The following INSYN1 variants were observed in gnomAD, a reference collection of about 807,000 sequenced individuals.
The protein encoded by INSYN1 is UPF0583 protein C15orf59.
Under a neutral mutation model 17.1 loss-of-function variants are expected in INSYN1, and 7 were observed. That is an observed-to-expected ratio of 0.41 (90% CI 0.23 to 0.77). The LOEUF (loss-of-function observed/expected upper bound fraction) is 0.77. Ranked by LOEUF, INSYN1 falls within the 30% of genes least tolerant of loss-of-function variation. The pLI, the probability that INSYN1 is intolerant of heterozygous loss-of-function variation, is 0.32. For synonymous variants in INSYN1, 174 were observed against 166.3 expected, an observed-to-expected ratio of 1.05 and a Z score of -0.36; for missense variants, 339 against 400.6, an observed-to-expected ratio of 0.85 and a Z score of 1.31.
rs766240069 is a variant in INSYN1 at position 73,740,518 on chromosome 15, T to A, written c.281A>T (p.Asp94Val). Residue 94 changes from aspartate (D) to valine (V), a missense_variant, in exon 3 of 3, where the codon GAC becomes GTC. Asp to Val is a radical substitution (Grantham distance 152). Coordinates refer to ENST00000569673, the MANE Select transcript of INSYN1 (RefSeq NM_001039614.3). ...SDKAGMGGPF[D>V]LGHLDFMTAD... ...TGTCATGAAGTCCAGGTGGCCCAGGTCAAAGGGGCCACCCATGCCCGCCTT... is the reference window on the plus strand; with the variant it reads ...TGTCATGAAGTCCAGGTGGCCCAGGACAAAGGGGCCACCCATGCCCGCCTT... The A allele has an allele frequency of 4.3e-6, 7 of 1,613,976 alleles. No individual in the cohort carries two copies. The highest frequency in any genetic ancestry group is 5.9e-6 in the Non-Finnish European group (7 of 1,180,028).
Position 73,737,231 on chromosome 15 carries a change from T to A in INSYN1, c.*2686A>T, listed in dbSNP as rs896133908. ...AATGCGAACTATTCCATAGGTTTCT[T>A]TTCCCTGACTGTTGAAAAGATGAGA... On this transcript the variant is annotated 3_prime_UTR_variant, in exon 3 of 3. Coordinates refer to ENST00000569673, the MANE Select transcript of INSYN1 (RefSeq NM_001039614.3). 8.5e-5 allele frequency: 13 copies of A among 152,378 alleles called. No individual in the cohort carries two copies. Among genetic ancestry groups the A allele is most frequent in the Admixed American group, 8.5e-4 (13 of 15,306 alleles). 9.4% of individuals were successfully genotyped at this position (152,378 alleles called of 1,614,324 possible). A position where few individuals can be genotyped will look rare whatever the true frequency, so the allele number is the denominator to read the frequency against.
chr15:73,739,906 C>A lies in INSYN1; in HGVS notation c.*11G>T. 7.1e-7 allele frequency: 1 copy of A among 1,407,142 alleles called. No individual in the cohort carries two copies. The highest frequency in any genetic ancestry group is 1.4e-5 in the African/African-American group (1 of 70,258). The allele number at this position is 1,407,142 out of a possible 1,614,324, so 87.2% of individuals were successfully genotyped here. A position where few individuals can be genotyped will look rare whatever the true frequency, so the allele number is the denominator to read the frequency against. ...CTATGTGCCCACCGCCCCCGGCCCC[C>A]TCCCCGGCCCCTAGTTTTTCCCCCT... On this transcript the variant is annotated 3_prime_UTR_variant, in exon 3 of 3. Transcript: ENST00000569673.
intron 2 of INSYN1, among the ~76,000 whole-genome samples, chr15:73,745,232 C>G (rs1026640817): frequency 6.6e-6 from 1 of 152,088 alleles, no homozygotes; most frequent in African/African-American, 2.4e-5. Context: ...TCCTAAGCCT[C>G]CCAAACATAA....
chr15:73,744,105 T>C (rs1444087090), intron 2 of INSYN1, among the ~76,000 whole-genome samples: 2 of 152,128 alleles, frequency 1.3e-5, no homozygotes, highest in South Asian at 2.1e-4. Flanking sequence ...TTGGACAGCA[T>C]ATGGAACAAG....
chr15:73,743,828 CAAAAAAAAAAAAAAAAA>C (rs71434209), intron 2 of INSYN1, among the ~76,000 whole-genome samples: 8 of 21,294 alleles, frequency 3.8e-4, no homozygotes, highest in Non-Finnish European at 5.7e-4. Flanking sequence ...GACTCTGTCT[CAAAAAAAAAAAAAAAAA>C]AAAAAAAAAA....
chr15:73,746,828 A>C (rs1017546572), intron 2 of INSYN1, among the ~76,000 whole-genome samples: 2 of 152,126 alleles, frequency 1.3e-5, no homozygotes, highest in African/African-American at 4.8e-5. Context: ...GTACCTGCTC[A>C]AGGTAAGCTC....
At chr15:73,750,903 G>T in intron 2 of INSYN1, 72 bp downstream of exon 2, 1 of 1,517,222 alleles carries the variant, frequency 6.6e-7, no homozygotes, top group Non-Finnish European at 9.1e-7. Context: ...ACGTATTTAT[G>T]AGTACGTTTT....
rs1470115080 is a variant in INSYN1, at chr15:73,740,723, T to A, written c.157-81A>T. On this transcript the variant is annotated intron_variant, in intron 2 of 2. Coordinates refer to ENST00000569673, the MANE Select transcript of INSYN1 (RefSeq NM_001039614.3). ...CAGGTGTGAGTGTGTCTCCACCCCATCCCTGTAGACCCCTGGCTGATGAGC... is the reference window on the plus strand; with the variant it reads ...CAGGTGTGAGTGTGTCTCCACCCCAACCCTGTAGACCCCTGGCTGATGAGC... 6.3e-6 allele frequency: 7 copies of A among 1,119,564 alleles called. No individual in the cohort carries two copies. In the Admixed American group the frequency reaches 1.4e-4, roughly 22 times the overall value. 69.4% of individuals were successfully genotyped at this position (1,119,564 alleles called of 1,614,324 possible).
intron 2 of INSYN1, 115 bp from the exon 3 acceptor site, chr15:73,740,757 C>T (rs767412438): frequency 4.6e-6 from 4 of 864,172 alleles, no homozygotes; most frequent in Non-Finnish European, 7.4e-6. Context: ...GCGTACTGGA[C>T]AGGGGAGAGC....
At chr15:73,750,908 C>T (rs927631659) in intron 2 of INSYN1, 67 bp downstream of exon 2, 32 of 1,572,454 alleles carry the variant, frequency 2.0e-5, no homozygotes, top group Admixed American at 5.0e-5. Context: ...TTTATGAGTA[C>T]GTTTTTGTGC....
Position 73,739,997 on chromosome 15 carries a change from T to C in INSYN1, c.802A>G (p.Thr268Ala), listed in dbSNP as rs768219932. The change falls in exon 3 of 3, where the codon ACC becomes GCC. Residue 268 changes from threonine to alanine, a missense_variant. Transcript: ENST00000569673. Reference sequence around the variant, plus strand: ...GTGCTCTTGTCTGACACTGTCTGGGTGCTGCTGTTCCTCGTGACCCTTCGA... The same window carrying C: ...GTGCTCTTGTCTGACACTGTCTGGGCGCTGCTGTTCCTCGTGACCCTTCGA... ...QTRRVTRNSSTQTVSDKSTQT... is the reference protein window; with the variant it reads ...QTRRVTRNSSAQTVSDKSTQT... The C allele has an allele frequency of 3.7e-6, 6 of 1,610,394 alleles. No homozygotes were observed. In the South Asian group the frequency reaches 6.6e-5, roughly 18 times the overall value.
intron 2 of INSYN1, among the ~76,000 whole-genome samples, chr15:73,746,325 G>A (rs1162986506): frequency 6.6e-6 from 1 of 152,098 alleles, no homozygotes; most frequent in Middle Eastern, 3.2e-3. Flanking sequence ...GGAAAAGGGA[G>A]GAAAGGAAGG....
intron 2 of INSYN1, among the ~76,000 whole-genome samples, chr15:73,750,447 A>C (rs1300603772): frequency 6.6e-6 from 1 of 152,210 alleles, no homozygotes; most frequent in Admixed American, 6.5e-5. Flanking sequence ...ACCCCCGGAC[A>C]AAGAGGACAT....
chr15:73,749,153 A>G (rs550544495), intron 2 of INSYN1, among the ~76,000 whole-genome samples: 4 of 152,312 alleles, frequency 2.6e-5, no homozygotes, highest in African/African-American at 7.2e-5. Context: ...ACAGATGAGC[A>G]TAAGAGATCA....
chr15:73,741,057 C>A (rs1210653257), intron 2 of INSYN1, among the ~76,000 whole-genome samples: 1 of 152,188 alleles, frequency 6.6e-6, no homozygotes, highest in African/African-American at 2.4e-5. Flanking sequence ...CCAGCAAGCC[C>A]ATTCCACAAA....
rs1208875461 is a variant in INSYN1 at position 73,752,725 on chromosome 15, G to A, written c.-1183C>T. ...TCAGCCCAGCCCCGCGGTCGGCCCT[G>A]GGCGAGACCGCTCCCACGGCTCAGT... On this transcript the variant is annotated 5_prime_UTR_variant, in exon 1 of 3. Transcript: ENST00000569673. The surrounding 1 kb of genome is among the most constrained non-coding windows in gnomAD (Gnocchi z 5.2). 2 of 152,052 alleles carry A rather than the reference G, an allele frequency of 1.3e-5. No homozygotes were observed. Among genetic ancestry groups the A allele is most frequent in the Admixed American group, 1.3e-4 (2 of 15,284 alleles). The allele number at this position is 152,052 out of a possible 1,614,324, so 9.4% of individuals were successfully genotyped here.
rs1321960419 is a variant in INSYN1 at position 73,752,352 on chromosome 15, G to C, written c.-810C>G. 3.9e-5 allele frequency: 6 copies of C among 152,412 alleles called. No homozygotes were observed. In the South Asian group the frequency reaches 1.0e-3, roughly 26 times the overall value. The allele number at this position is 152,412 out of a possible 1,614,324, so 9.4% of individuals were successfully genotyped here. A position where few individuals can be genotyped will look rare whatever the true frequency, so the allele number is the denominator to read the frequency against. ...CTCAAGCCTCTCCAGGCTCGGGGTC[G>C]GGAATGAGCGAGGGTCCGGCAGATT... is the stretch of plus-strand genomic sequence containing the variant. On this transcript the variant is annotated 5_prime_UTR_variant, in exon 1 of 3. Coordinates refer to ENST00000569673, the MANE Select transcript of INSYN1 (RefSeq NM_001039614.3). This position sits in a 1 kb window ranked among gnomAD's most constrained non-coding sequence, Gnocchi z 5.2.
At position 73,739,112 on chromosome 15, in the gene INSYN1, C is replaced by G. The variant is rs888287403; in HGVS notation, c.*805G>C. On this transcript the variant is annotated 3_prime_UTR_variant, in exon 3 of 3. Coordinates refer to ENST00000569673, the MANE Select transcript of INSYN1 (RefSeq NM_001039614.3). Reference sequence around the variant, plus strand: ...GGAAGTGGCTGCCTACTTCCTCGCACAGATCTCAGGTCTGCTTAGGGCCAC... The same window carrying G: ...GGAAGTGGCTGCCTACTTCCTCGCAGAGATCTCAGGTCTGCTTAGGGCCAC... 1.3e-5 allele frequency: 2 copies of G among 152,272 alleles called. No individual in the cohort carries two copies. Among genetic ancestry groups the G allele is most frequent in the Non-Finnish European group, 2.9e-5 (2 of 68,058 alleles). The allele number at this position is 152,272 out of a possible 1,614,324, so 9.4% of individuals were successfully genotyped here.
At chr15:73,740,674 G>A in intron 2 of INSYN1, 32 bp from the exon 3 acceptor site, 1 of 1,562,384 alleles carries the variant, frequency 6.4e-7, no homozygotes, top group Non-Finnish European at 8.7e-7. Context: ...AGATGAGAGG[G>A]GCCAGGTGGG....
Sources: gnomAD v4.1 joint callset for allele counts (sites outside exome capture counted in the v4.1 genomes callset) on GRCh38, gnomAD v4.1.1 for gene constraint, Gnocchi (gnomAD v3.1) non-coding constraint, MANE v1.5 for transcripts, NCBI Gene and HGNC (gene_info 2026-07-23, HGNC 2026-07-21) for gene names.